The following TTC39B variants were observed in gnomAD, a reference collection of about 807,000 sequenced individuals.
TTC39B encodes the protein tetratricopeptide repeat domain 39B, also known as tetratricopeptide repeat protein 39B.
In TTC39B, 92 loss-of-function variants were observed where a neutral mutation model predicts 96.6. That is an observed-to-expected ratio of 0.95 (90% CI 0.80 to 1.13). The LOEUF is 1.13. TTC39B is among the 50% of genes most tolerant of loss of function. The probability of loss-of-function intolerance (pLI) is 0.00; values close to 1 mark genes in which losing one functional copy is unlikely to be tolerated. For synonymous variants in TTC39B, 367 were observed against 299.4 expected (o/e 1.23, Z -2.33); for missense variants, 955 against 809.3 (o/e 1.18, Z -2.18).
intron 1 of TTC39B, among the ~76,000 whole-genome samples, chr9:15,271,687 C>G (rs569754455): frequency 6.6e-6 from 1 of 152,172 alleles, no homozygotes; most frequent in Admixed American, 6.5e-5. Context: ...TACCAGTCCA[C>G]GGCTCAGGCA....
intron 1 of TTC39B, among the ~76,000 whole-genome samples, chr9:15,292,484 T>C (rs71513223): frequency 2.0e-5 from 3 of 152,216 alleles, no homozygotes; most frequent in Admixed American, 2.0e-4. Context: ...TATTATACTG[T>C]ACTATTAATC....
At chr9:15,222,787 T>C (rs1422353030) in intron 3 of TTC39B, among the ~76,000 whole-genome samples, 1 of 152,222 alleles carries the variant, frequency 6.6e-6, no homozygotes, top group Non-Finnish European at 1.5e-5. Flanking sequence ...ACCCCTGTTC[T>C]GTTTTGATGA....
chr9:15,241,584 T>C (rs1822041769), intron 2 of TTC39B, among the ~76,000 whole-genome samples: 1 of 152,084 alleles, frequency 6.6e-6, no homozygotes, highest in East Asian at 1.9e-4. Flanking sequence ...ATAAAAGAGA[T>C]GTGACTTAAA....
chr9:15,267,648 TAA>T (rs1175877839), intron 2 of TTC39B, among the ~76,000 whole-genome samples: 1 of 152,208 alleles, frequency 6.6e-6, no homozygotes, highest in African/African-American at 2.4e-5. Context: ...GAACAACTAT[TAA>T]AAGAGTTAGC....
chr9:15,208,251 C>T (rs1297704858), intron 6 of TTC39B, among the ~76,000 whole-genome samples: 4 of 151,758 alleles, frequency 2.6e-5, no homozygotes, highest in East Asian at 2.0e-4. Flanking sequence ...TCTGTAACTC[C>T]TGACCTTGTG....
intron 2 of TTC39B, among the ~76,000 whole-genome samples, chr9:15,261,544 G>T: frequency 6.6e-6 from 1 of 152,048 alleles, no homozygotes; most frequent in East Asian, 1.9e-4. Flanking sequence ...CACTAGACAA[G>T]ACCAGGAATC....
At chr9:15,176,214 C>T (rs1817929428) in intron 18 of TTC39B, among the ~76,000 whole-genome samples, 1 of 152,152 alleles carries the variant, frequency 6.6e-6, no homozygotes, top group Non-Finnish European at 1.5e-5. Flanking sequence ...CAAGAAAAAA[C>T]TCCAATGAAG....
chr9:15,271,170 T>C (rs1438861152), intron 1 of TTC39B, among the ~76,000 whole-genome samples: 1 of 152,150 alleles, frequency 6.6e-6, no homozygotes, highest in African/African-American at 2.4e-5. Context: ...AGGGGTGCCA[T>C]ATCCTCTCAA....
At chr9:15,167,214 T>G (rs1199086180) in exon 20 of TTC39B, 1 of 111,002 alleles carries the variant, frequency 9.0e-6, no homozygotes, top group Non-Finnish European at 1.8e-5. Flanking sequence ...TTTTTTTTTT[T>G]TTTTTTTTTT....
At chr9:15,257,534 G>A (rs143281020) in intron 2 of TTC39B, among the ~76,000 whole-genome samples, 4 of 151,998 alleles carry the variant, frequency 2.6e-5, no homozygotes, top group African/African-American at 9.6e-5. Context: ...ACACAGCCTC[G>A]ACTTCTGCGG....
At chr9:15,253,843 A>G (rs1256595190) in intron 2 of TTC39B, among the ~76,000 whole-genome samples, 1 of 152,174 alleles carries the variant, frequency 6.6e-6, no homozygotes, top group Non-Finnish European at 1.5e-5. Flanking sequence ...AAAAAGATAG[A>G]ATTATATGCC....
At chr9:15,293,151 G>A (rs1407995320) in intron 1 of TTC39B, among the ~76,000 whole-genome samples, 1 of 152,090 alleles carries the variant, frequency 6.6e-6, no homozygotes, top group Admixed American at 6.6e-5. Context: ...AAATACCATT[G>A]TGTTATAATG....
At chr9:15,277,528 G>A (rs564314077) in intron 1 of TTC39B, among the ~76,000 whole-genome samples, 16 of 152,228 alleles carry the variant, frequency 1.1e-4, no homozygotes, top group Non-Finnish European at 2.2e-4. Context: ...CAAGAAGCAG[G>A]TGACCTTGGC....
intron 2 of TTC39B, among the ~76,000 whole-genome samples, chr9:15,229,231 T>A (rs1586919371): frequency 6.6e-6 from 1 of 152,252 alleles, no homozygotes; most frequent in Non-Finnish European, 1.5e-5. Flanking sequence ...CATTTAATTC[T>A]TTCCTGCATG....
At chr9:15,298,561 C>T (rs1824464609) in intron 1 of TTC39B, among the ~76,000 whole-genome samples, 1 of 152,074 alleles carries the variant, frequency 6.6e-6, no homozygotes, top group Non-Finnish European at 1.5e-5. Context: ...CATCAGATCC[C>T]ATGAGACTTA....
intron 1 of TTC39B, among the ~76,000 whole-genome samples, chr9:15,285,170 G>A (rs1477137805): frequency 6.6e-6 from 1 of 151,974 alleles, no homozygotes; most frequent in Admixed American, 6.6e-5. Flanking sequence ...GGCGGGGGCT[G>A]AGGCAGGAGA....
intron 17 of TTC39B, among the ~76,000 whole-genome samples, chr9:15,179,779 T>C (rs1818149112): frequency 6.6e-6 from 1 of 152,202 alleles, no homozygotes; most frequent in African/African-American, 2.4e-5. Context: ...ATGATGATTT[T>C]GTTGAGGAAC....
intron 2 of TTC39B, among the ~76,000 whole-genome samples, chr9:15,266,937 T>G (rs557272971): frequency 1.3e-5 from 2 of 152,134 alleles, no homozygotes; most frequent in Non-Finnish European, 1.5e-5. Context: ...AAAAATAGCC[T>G]GGCGTGGTGG....
chr9:15,252,959 T>A (rs1307172218), intron 2 of TTC39B, among the ~76,000 whole-genome samples: 2 of 152,222 alleles, frequency 1.3e-5, no homozygotes, highest in Non-Finnish European at 1.5e-5. Context: ...AACAGTTATA[T>A]AAAAGGAACT....
Sources: allele counts gnomAD v4.1 joint callset (sites outside exome capture counted in the v4.1 genomes callset), GRCh38; gene constraint gnomAD v4.1.1; transcripts MANE v1.5; gene names NCBI Gene and HGNC (gene_info 2026-07-23, HGNC 2026-07-21).